The following NALF1 variants were observed in gnomAD, a reference collection of about 807,000 sequenced individuals.
NALF1 encodes NALCN channel auxiliary factor 1, also known as family with sequence similarity 155 member A.
NALF1 carries 3 observed loss-of-function variants against 48.4 expected under a neutral mutation model. That is an observed-to-expected ratio of 0.06 (90% confidence interval 0.03 to 0.16). The LOEUF (loss-of-function observed/expected upper bound fraction) is 0.16. Ranked by LOEUF, NALF1 falls within the 10% of genes least tolerant of loss-of-function variation. The pLI, the probability that NALF1 is intolerant of heterozygous loss-of-function variation, is 1.00. For missense variants in NALF1, 526 were observed against 571.5 expected, an observed-to-expected ratio of 0.92 and a Z score of 0.81; for synonymous variants, 262 against 245.7, an observed-to-expected ratio of 1.07 and a Z score of -0.62.
chr13:107,298,386 A>AAGAC (rs1881768104), intron 1 of NALF1, among the ~76,000 whole-genome samples: 3 of 150,374 alleles, frequency 2.0e-5, no homozygotes, highest in African/African-American at 7.3e-5. Context: ...AAAAAGACAA[A>AAGAC]AAGACACACA....
At chr13:107,559,153 C>T (rs556543436) in intron 1 of NALF1, among the ~76,000 whole-genome samples, 2 of 152,172 alleles carry the variant, frequency 1.3e-5, no homozygotes, top group Admixed American at 6.5e-5. Flanking sequence ...GTGGAGGAGA[C>T]GGCAGCAGAG....
intron 1 of NALF1, among the ~76,000 whole-genome samples, chr13:107,706,281 C>A (rs558582776): frequency 1.3e-5 from 2 of 152,288 alleles, no homozygotes; most frequent in African/African-American, 2.4e-5. Context: ...GCAGGCAGAA[C>A]TCTGCTCCCT....
intron 1 of NALF1, among the ~76,000 whole-genome samples, chr13:107,439,161 G>A (rs1009443391): frequency 1.3e-5 from 2 of 152,036 alleles, no homozygotes; most frequent in East Asian, 1.9e-4. Flanking sequence ...CATTGTAATC[G>A]ACTTATGTGT....
At chr13:107,735,097 G>A (rs1227352911) in intron 1 of NALF1, among the ~76,000 whole-genome samples, 1 of 151,854 alleles carries the variant, frequency 6.6e-6, no homozygotes, top group Non-Finnish European at 1.5e-5. Context: ...CGTGGGCTGA[G>A]AGCCCAGAAA....
chr13:107,178,955 C>CAA lies in NALF1; in HGVS notation c.1088-8171_1088-8170dup, dbSNP rs546193415. The stretch of plus-strand genomic sequence containing the variant: ...GTGAGACTCTGTCTCAAAAAACAAA[C>CAA]AAAAAAAAAAAACAAAAAATAGAGC... On this transcript the variant is annotated intron_variant, in intron 2 of 2. Coordinates refer to ENST00000375915, the MANE Select transcript of NALF1 (RefSeq NM_001080396.3). 8.5e-4 allele frequency among the ~76,000 whole-genome samples: 106 copies of CAA among 125,338 alleles called. 1 individual carries two copies. Among genetic ancestry groups the CAA allele is most frequent in the Admixed American group, 3.7e-3 (45 of 12,244 alleles). The allele number at this position is 125,338 out of a possible 152,430, so 82.2% of individuals were successfully genotyped here.
chr13:107,579,675 A>ATTTCT (rs559197564), intron 1 of NALF1, among the ~76,000 whole-genome samples: 5 of 8,956 alleles, frequency 5.6e-4, no homozygotes, highest in East Asian at 2.2e-3. Flanking sequence ...CTGATTTCAT[A>ATTTCT]TTTTTTTTTT....
chr13:107,515,578 G>A (rs1876028747), intron 1 of NALF1, among the ~76,000 whole-genome samples: 1 of 152,178 alleles, frequency 6.6e-6, no homozygotes. Flanking sequence ...CAGCTGCAAA[G>A]CTCATATTCT....
At chr13:107,787,283 T>G (rs568212593) in intron 1 of NALF1, among the ~76,000 whole-genome samples, 4 of 152,292 alleles carry the variant, frequency 2.6e-5, no homozygotes, top group African/African-American at 9.6e-5. Context: ...TTCAATAATC[T>G]AAAACTCTGG....
intron 1 of NALF1, among the ~76,000 whole-genome samples, chr13:107,777,805 T>C (rs1440820779): frequency 6.6e-6 from 1 of 152,168 alleles, no homozygotes; most frequent in East Asian, 1.9e-4. Context: ...ATGTAAATTA[T>C]AGGAAAGGAA....
chr13:107,392,655 A>T (rs529879780), intron 1 of NALF1, among the ~76,000 whole-genome samples: 32 of 151,896 alleles, frequency 2.1e-4, no homozygotes, highest in African/African-American at 7.2e-4. Flanking sequence ...GACTTAAAGT[A>T]TATCAAAGAT....
At chr13:107,264,305 T>C (rs971597039) in intron 1 of NALF1, among the ~76,000 whole-genome samples, 1 of 152,240 alleles carries the variant, frequency 6.6e-6, no homozygotes, top group Admixed American at 6.5e-5. Context: ...ACAGAAATGA[T>C]TTGTTTCTCA....
At chr13:107,487,947 G>A (rs1885355721) in intron 1 of NALF1, among the ~76,000 whole-genome samples, 1 of 151,646 alleles carries the variant, frequency 6.6e-6, no homozygotes, top group African/African-American at 2.4e-5. Flanking sequence ...CTCAATTTCA[G>A]AACTCATTAT....
chr13:107,186,324 C>T (rs1879170598), intron 2 of NALF1, among the ~76,000 whole-genome samples: 2 of 152,130 alleles, frequency 1.3e-5, no homozygotes, highest in Non-Finnish European at 2.9e-5. Context: ...ATTTTTCCAA[C>T]TTTACCACTG....
intron 1 of NALF1, among the ~76,000 whole-genome samples, chr13:107,259,379 G>A (rs967607418): frequency 2.6e-5 from 4 of 152,134 alleles, no homozygotes; most frequent in African/African-American, 4.8e-5. Flanking sequence ...TTGTAGGTCA[G>A]AGATCAGGAA....
At chr13:107,548,599 C>T (rs1399085519) in intron 1 of NALF1, among the ~76,000 whole-genome samples, 2 of 152,000 alleles carry the variant, frequency 1.3e-5, no homozygotes, top group African/African-American at 4.8e-5. Flanking sequence ...TATGAGTGTC[C>T]TTCCTCCCCC....
At chr13:107,780,109 A>C (rs1877844766) in intron 1 of NALF1, among the ~76,000 whole-genome samples, 1 of 150,254 alleles carries the variant, frequency 6.7e-6, no homozygotes. Context: ...TTGTTATTGC[A>C]GAAACATTTG....
At chr13:107,727,075 G>A (rs1594230804) in intron 1 of NALF1, among the ~76,000 whole-genome samples, 1 of 152,138 alleles carries the variant, frequency 6.6e-6, no homozygotes, top group Admixed American at 6.5e-5. Flanking sequence ...CTCCCAAAGT[G>A]CTGGGATTAC....
At chr13:107,543,644 T>C (rs1476787702) in intron 1 of NALF1, among the ~76,000 whole-genome samples, 1 of 151,992 alleles carries the variant, frequency 6.6e-6, no homozygotes. Flanking sequence ...GAACCATAAA[T>C]TGGGAACGGT....
rs186800569 is a variant in NALF1, at chr13:107,223,942, C to T, written c.916-13187G>A. Among the ~76,000 whole-genome samples the T allele has an allele frequency of 9.3e-4, 141 of 152,202 alleles. 1 individual carries two copies. Among genetic ancestry groups the T allele is most frequent in the African/African-American group, 2.7e-3 (113 of 41,542 alleles). ...TAGCCCATGTCTTCTTTATCCTGAG[C>T]TAAACATACCATCAGAAATATGTTT... On this transcript the variant is annotated intron_variant, in intron 1 of 2. Coordinates refer to ENST00000375915, the MANE Select transcript of NALF1 (RefSeq NM_001080396.3).
Sources: gnomAD v4.1 joint callset for allele counts (sites outside exome capture counted in the v4.1 genomes callset) on GRCh38, gnomAD v4.1.1 for gene constraint, MANE v1.5 for transcripts, NCBI Gene and HGNC (gene_info 2026-07-23, HGNC 2026-07-21) for gene names.